SEMA6D: variants seen among roughly 807,000 people sequenced by gnomAD.
The protein encoded by SEMA6D is semaphorin-6D.
Under a neutral mutation model 106.6 loss-of-function variants are expected in SEMA6D, and 35 were observed. The ratio of observed to expected loss-of-function variants is 0.33; its 90% CI spans 0.25 to 0.44. SEMA6D has a LOEUF of 0.44. Ranked by LOEUF, SEMA6D falls within the 20% of genes least tolerant of loss-of-function variation. The pLI is 1.00. For missense variants in SEMA6D, 1,185 were observed against 1,345.9 expected (o/e 0.88, Z 1.87); for synonymous variants, 499 against 487.7 (o/e 1.02, Z -0.31).
At chr15:47,269,969 A>G (rs2034485692) in intron 1 of SEMA6D, among the ~76,000 whole-genome samples, 2 of 151,770 alleles carry the variant, frequency 1.3e-5, no homozygotes, top group African/African-American at 4.8e-5. Flanking sequence ...CAGTTTGAGG[A>G]GAATTAACAT....
At chr15:47,369,766 T>C (rs2039201449) in intron 1 of SEMA6D, among the ~76,000 whole-genome samples, 1 of 152,220 alleles carries the variant, frequency 6.6e-6, no homozygotes, top group Non-Finnish European at 1.5e-5. Context: ...GATAGTGAGA[T>C]ACCATGATCC....
intron 1 of SEMA6D, among the ~76,000 whole-genome samples, chr15:47,220,410 G>A (rs1028954627): frequency 6.6e-6 from 1 of 152,160 alleles, no homozygotes; most frequent in African/African-American, 2.4e-5. Flanking sequence ...TATTTTGAAA[G>A]AATTTGTGGT....
intron 3 of SEMA6D, among the ~76,000 whole-genome samples, chr15:47,591,897 A>G (rs907893113): frequency 2.6e-5 from 4 of 152,154 alleles, no homozygotes; most frequent in African/African-American, 9.7e-5. Context: ...CTTGGGGAGA[A>G]TGACATTTGG....
rs2082254129 is a variant in SEMA6D, at chr15:47,764,886, C to T, written c.1257C>T (p.Tyr419=). The T allele has an allele frequency of 6.2e-7, 1 of 1,613,744 alleles. No individual in the cohort carries two copies. Among genetic ancestry groups the T allele is most frequent in the African/African-American group, 1.3e-5 (1 of 74,920 alleles). The change falls in exon 13 of 19, where the codon TAC becomes TAT. Residue 419 remains tyrosine, a synonymous_variant. Transcript: ENST00000536845. ...TCTGTGCCGCCTCCTCTTGTAGGTA[C>T]AGACTGACGGCCATCTCAGTGGACC... ...EPWFTKTRVR[Y]RLTAISVDHS... is the part of the protein sequence containing the mutation.
At chr15:47,221,453 C>A (rs2031201077) in intron 1 of SEMA6D, among the ~76,000 whole-genome samples, 1 of 152,182 alleles carries the variant, frequency 6.6e-6, no homozygotes, top group African/African-American at 2.4e-5. Context: ...TAAACAGTTC[C>A]TTCATCAAAG....
At chr15:47,400,085 T>C (rs978688317) in intron 1 of SEMA6D, among the ~76,000 whole-genome samples, 6 of 152,228 alleles carry the variant, frequency 3.9e-5, no homozygotes. Context: ...AAGTTAGCCC[T>C]ATGAAATGTT....
chr15:47,741,645 T>C (rs1186134682), intron 1 of SEMA6D, among the ~76,000 whole-genome samples: 3 of 151,308 alleles, frequency 2.0e-5, no homozygotes, highest in Non-Finnish European at 4.4e-5. Flanking sequence ...ACCCAGGAAG[T>C]GAAGGTTGCA....
chr15:47,516,170 T>C (rs2044381269), intron 3 of SEMA6D, among the ~76,000 whole-genome samples: 1 of 152,166 alleles, frequency 6.6e-6, no homozygotes, highest in South Asian at 2.1e-4. Flanking sequence ...CATCCTGGTT[T>C]CTGGAGTGCC....
intron 1 of SEMA6D, among the ~76,000 whole-genome samples, chr15:47,211,511 G>A (rs1247487519): frequency 6.6e-6 from 1 of 152,070 alleles, no homozygotes; most frequent in African/African-American, 2.4e-5. Context: ...ATATCCTTTA[G>A]ATGCATGATC....
intron 1 of SEMA6D, among the ~76,000 whole-genome samples, chr15:47,242,797 G>A (rs538472594): frequency 6.6e-6 from 1 of 152,142 alleles, no homozygotes; most frequent in African/African-American, 2.4e-5. Flanking sequence ...AACAAGTAGA[G>A]GTGACTCTCA....
intron 2 of SEMA6D, among the ~76,000 whole-genome samples, chr15:47,428,117 TA>T (rs1295075329): frequency 3.9e-5 from 6 of 152,230 alleles, no homozygotes; most frequent in African/African-American, 1.4e-4. Flanking sequence ...TGAACATTAT[TA>T]ATAACAACAA....
At chr15:47,304,960 C>T (rs1230475491) in intron 1 of SEMA6D, among the ~76,000 whole-genome samples, 2 of 152,206 alleles carry the variant, frequency 1.3e-5, no homozygotes, top group African/African-American at 4.8e-5. Flanking sequence ...CATCTCTATT[C>T]ATACTTAGAT....
chr15:47,589,575 A>ACTC (rs2076402534), intron 3 of SEMA6D, among the ~76,000 whole-genome samples: 1 of 152,192 alleles, frequency 6.6e-6, no homozygotes, highest in African/African-American at 2.4e-5. Flanking sequence ...TTTAAAAAAC[A>ACTC]CTCCAAGTTT....
At chr15:47,529,978 C>T (rs964138360) in intron 3 of SEMA6D, among the ~76,000 whole-genome samples, 2 of 152,178 alleles carry the variant, frequency 1.3e-5, no homozygotes, top group Admixed American at 6.5e-5. Flanking sequence ...GCAGCTCCTA[C>T]CAAAAGTCAT....
chr15:47,639,384 C>G (rs1315729982), intron 4 of SEMA6D, among the ~76,000 whole-genome samples: 1 of 152,152 alleles, frequency 6.6e-6, no homozygotes, highest in Non-Finnish European at 1.5e-5. Flanking sequence ...ATCCATGAAT[C>G]CATGCACTTA....
intron 4 of SEMA6D, among the ~76,000 whole-genome samples, chr15:47,653,717 G>A (rs548996682): frequency 1.3e-5 from 2 of 152,348 alleles, no homozygotes; most frequent in South Asian, 4.1e-4. Context: ...CAACAATAAT[G>A]TACTTCTTAG....
At chr15:47,699,930 G>T (rs1278455925) in intron 4 of SEMA6D, among the ~76,000 whole-genome samples, 2 of 152,158 alleles carry the variant, frequency 1.3e-5, no homozygotes, top group Non-Finnish European at 2.9e-5. Flanking sequence ...ATTATAACAA[G>T]GTTGCAGGAT....
chr15:47,194,755 C>CATA (rs1377277451), intron 1 of SEMA6D, among the ~76,000 whole-genome samples: 4 of 152,160 alleles, frequency 2.6e-5, no homozygotes. Flanking sequence ...GGAGTATGTA[C>CATA]ATATGTGAGT....
chr15:47,394,286 TG>T (rs1489372534), intron 1 of SEMA6D, among the ~76,000 whole-genome samples: 1 of 152,142 alleles, frequency 6.6e-6, no homozygotes, highest in African/African-American at 2.4e-5. Flanking sequence ...CAAACTGAAA[TG>T]GGCTATCTTT....
Sources: gnomAD v4.1 joint callset for allele counts (sites outside exome capture counted in the v4.1 genomes callset) on GRCh38, gnomAD v4.1.1 for gene constraint, MANE v1.5 for transcripts, NCBI Gene and HGNC (gene_info 2026-07-23, HGNC 2026-07-21) for gene names.